The following SCUBE1 variants were observed in gnomAD, a reference collection of about 807,000 sequenced individuals.
The protein encoded by SCUBE1 is signal peptide, CUB domain and EGF like domain containing 1.
A neutral mutation model predicts 124.4 loss-of-function variants in SCUBE1; 59 were observed. The ratio of observed to expected loss-of-function variants is 0.47; its 90% CI spans 0.38 to 0.59. The LOEUF (loss-of-function observed/expected upper bound fraction) is 0.59. SCUBE1 is among the 20% of genes least tolerant of loss of function. The pLI is 0.00. For synonymous variants in SCUBE1, 545 were observed against 550.9 expected, an observed-to-expected ratio of 0.99 and a Z score of 0.15; for missense variants, 1,150 against 1,371.2, an observed-to-expected ratio of 0.84 and a Z score of 2.55.
chr22:43,226,436 C>T (rs906674094), intron 10 of SCUBE1, among the ~76,000 whole-genome samples: 2 of 152,038 alleles, frequency 1.3e-5, no homozygotes, highest in Non-Finnish European at 2.9e-5. Context: ...TGGGGGGGCC[C>T]TCCAGGCCAA....
intron 3 of SCUBE1, among the ~76,000 whole-genome samples, chr22:43,313,898 T>G (rs1601883231): frequency 2.0e-5 from 3 of 152,236 alleles, no homozygotes; most frequent in Admixed American, 6.5e-5. Context: ...AGAACACTTT[T>G]CAAACTGGCC....
At chr22:43,276,105 C>G (rs1187731047) in intron 4 of SCUBE1, 1 of 152,550 alleles carries the variant, frequency 6.6e-6, no homozygotes, top group Non-Finnish European at 1.5e-5. Context: ...TGGTGCCCCA[C>G]TGATGGGGGA....
intron 6 of SCUBE1, among the ~76,000 whole-genome samples, chr22:43,252,974 C>T (rs1487538089): frequency 6.6e-6 from 1 of 150,746 alleles, no homozygotes; most frequent in Non-Finnish European, 1.5e-5. Flanking sequence ...TACCTTGCCT[C>T]TATTAATAAA....
chr22:43,266,260 C>T (rs1478795179), intron 4 of SCUBE1, among the ~76,000 whole-genome samples: 2 of 152,184 alleles, frequency 1.3e-5, no homozygotes, highest in African/African-American at 2.4e-5. Context: ...GGAGTCTGCT[C>T]AGCTTGAGTG....
chr22:43,207,633 G>C lies in SCUBE1; in HGVS notation c.2735-20C>G. 1 of 1,607,428 alleles carries C rather than the reference G, an allele frequency of 6.2e-7. No individual in the cohort carries two copies. The highest frequency in any genetic ancestry group is 1.1e-5 in the South Asian group (1 of 90,944). ...AGTCCTCTGGGCAGCGGGTCAGCAG[G>C]GGGAGAGGAAGGCGAGGGGCTTGAG... On this transcript the variant is annotated intron_variant, in intron 20 of 21. Transcript: ENST00000360835.
At chr22:43,260,653 C>T (rs369815500) in intron 5 of SCUBE1, among the ~76,000 whole-genome samples, 1 of 152,260 alleles carries the variant, frequency 6.6e-6, no homozygotes, top group African/African-American at 2.4e-5. Flanking sequence ...GGGCAGCTGC[C>T]TGTGCAGGCC....
At position 43,218,274 on chromosome 22, in the gene SCUBE1, C is replaced by T. The variant is rs761276482; in HGVS notation, c.1872G>A (p.Val624=). 8.1e-6 allele frequency: 13 copies of T among 1,613,134 alleles called. No homozygotes were observed. The South Asian group carries it at 1.2e-4, about 15-fold the overall frequency. ...EGQGACGAGQ[V]LQDSKCVACG... ...ACTCACCGCATTTGCTGTCCTGTAG[C>T]ACCTGGCCTGCGCCACATGCCCCCT... is the stretch of plus-strand genomic sequence containing the variant. Residue 624 remains valine (V), a synonymous_variant, in exon 15 of 22, where the codon GTG becomes GTA. Coordinates refer to ENST00000360835, the MANE Select transcript of SCUBE1 (RefSeq NM_173050.5).
intron 2 of SCUBE1, among the ~76,000 whole-genome samples, chr22:43,321,167 G>A (rs755053736): frequency 6.6e-6 from 1 of 152,246 alleles, no homozygotes; most frequent in Non-Finnish European, 1.5e-5. Flanking sequence ...GACGGAGTAG[G>A]AAGCCGGGGT....
At chr22:43,247,960 G>A (rs1923283524) in intron 6 of SCUBE1, among the ~76,000 whole-genome samples, 1 of 152,244 alleles carries the variant, frequency 6.6e-6, no homozygotes, top group Admixed American at 6.5e-5. Context: ...CACTGAGGTT[G>A]CATCTCGAAG....
At chr22:43,321,045 G>A (rs1926528449) in intron 2 of SCUBE1, among the ~76,000 whole-genome samples, 3 of 152,194 alleles carry the variant, frequency 2.0e-5, no homozygotes, top group African/African-American at 7.2e-5. Flanking sequence ...ACCTCCAGAG[G>A]CTCCGAGACA....
At position 43,227,404 on chromosome 22, in the gene SCUBE1, G is replaced by A. The variant is rs368339927; in HGVS notation, c.1177C>T (p.Arg393Trp). 18 of 1,611,830 alleles carry A rather than the reference G, an allele frequency of 1.1e-5. No individual in the cohort carries two copies. Among genetic ancestry groups the A allele is most frequent in the African/African-American group, 9.3e-5 (7 of 74,904 alleles). The change falls in exon 10 of 22, where the codon CGG (arginine) becomes TGG (tryptophan). Residue 393 changes from arginine (R) to tryptophan (W), a missense_variant. Arg to Trp is a moderately radical substitution (Grantham distance 101). Coordinates refer to ENST00000360835, the MANE Select transcript of SCUBE1 (RefSeq NM_173050.5). ...SYECVCPPGR[R>W]LHWNGKDCVE... ...CAATCCTTCCCGTTCCAGTGGAGCC[G>A]CCTCCCCGGGGGACAGACGCACTCG...
rs557277653 is a variant in SCUBE1 at position 43,303,307 on chromosome 22, G to A, written c.350-12127C>T. Among the ~76,000 whole-genome samples, 60 of 152,318 alleles carry A rather than the reference G, an allele frequency of 3.9e-4. No individual in the cohort carries two copies. In the South Asian group the frequency reaches 5.8e-3, roughly 15 times the overall value. ...TTGAGCGTGAGCGTCCTTGGCACAC[G>A]CCAGGCCTGTGGCCATACCCTGATC... On this transcript the variant is annotated intron_variant, in intron 3 of 21. Transcript: ENST00000360835.
chr22:43,308,878 C>T (rs775095632), intron 3 of SCUBE1, among the ~76,000 whole-genome samples: 3 of 152,238 alleles, frequency 2.0e-5, no homozygotes, highest in African/African-American at 7.2e-5. Context: ...ACCAAAACTC[C>T]GACTCTGAGA....
intron 3 of SCUBE1, among the ~76,000 whole-genome samples, chr22:43,314,282 CA>C (rs1926266650): frequency 6.6e-6 from 1 of 152,120 alleles, no homozygotes. Flanking sequence ...GTTAAATGGC[CA>C]AAGCTGGATG....
intron 7 of SCUBE1, among the ~76,000 whole-genome samples, chr22:43,232,808 T>G (rs1031246935): frequency 1.3e-5 from 2 of 152,202 alleles, no homozygotes; most frequent in Non-Finnish European, 1.5e-5. Context: ...CCCTGACCCC[T>G]GTGAGCCCCC....
chr22:43,247,293 G>A (rs1399068522), intron 6 of SCUBE1, among the ~76,000 whole-genome samples: 1 of 152,226 alleles, frequency 6.6e-6, no homozygotes, highest in Non-Finnish European at 1.5e-5. Context: ...CTGTAAATGA[G>A]AAACTGAAGC....
In SCUBE1 at chr22:43,258,901, C is replaced by T. The variant is rs549509114; in HGVS notation, c.611-566G>A. Among the ~76,000 whole-genome samples, 8 of 152,276 alleles carry T rather than the reference C, an allele frequency of 5.3e-5. No homozygotes were observed. The South Asian group carries it at 1.2e-3, about 24-fold the overall frequency. The stretch of plus-strand genomic sequence containing the variant: ...CTATCCCCTCAAAGCCCTAATCCTC[C>T]GGGAGCTCGGCAATGTCCGAACAGA... On this transcript the variant is annotated intron_variant, in intron 5 of 21. Coordinates refer to ENST00000360835, the MANE Select transcript of SCUBE1 (RefSeq NM_173050.5). The surrounding 1 kb of genome is among the most constrained non-coding windows in gnomAD (Gnocchi z 5.0).
intron 3 of SCUBE1, among the ~76,000 whole-genome samples, chr22:43,308,223 G>A (rs985092508): frequency 6.6e-6 from 1 of 152,206 alleles, no homozygotes; most frequent in Admixed American, 6.5e-5. Flanking sequence ...ATTAACAGCT[G>A]TAGAAGGCGG....
At chr22:43,320,150 G>A in intron 2 of SCUBE1, 85 bp from the exon 3 acceptor site, 1 of 1,519,324 alleles carries the variant, frequency 6.6e-7, no homozygotes, top group South Asian at 1.2e-5. Context: ...CGGGATCTGA[G>A]TGATTAGGGG....
Sources: gnomAD v4.1 joint callset for allele counts (sites outside exome capture counted in the v4.1 genomes callset) on GRCh38, gnomAD v4.1.1 for gene constraint, Gnocchi (gnomAD v3.1) non-coding constraint, MANE v1.5 for transcripts, NCBI Gene and HGNC (gene_info 2026-07-23, HGNC 2026-07-21) for gene names.